RBBP5: variants seen among roughly 807,000 people sequenced by gnomAD.
RBBP5 encodes the protein RB binding protein 5, histone lysine methyltransferase complex subunit, also known as retinoblastoma-binding protein 5.
In RBBP5, 5 loss-of-function variants were observed where a neutral mutation model predicts 72.2. That is an observed-to-expected ratio of 0.07 (90% CI 0.04 to 0.15). The LOEUF is 0.15. Ranked by LOEUF, RBBP5 falls within the 10% of genes least tolerant of loss-of-function variation. The pLI is 1.00. For missense variants in RBBP5, 322 were observed against 652.2 expected, an observed-to-expected ratio of 0.49 and a Z score of 5.51; for synonymous variants, 209 against 237.2, an observed-to-expected ratio of 0.88 and a Z score of 1.09.
intron 1 of RBBP5, among the ~76,000 whole-genome samples, chr1:205,116,591 C>A (rs181311004): frequency 4.0e-4 from 61 of 152,166 alleles, no homozygotes; most frequent in Middle Eastern, 6.8e-3. Context: ...GGCCAAGTTG[C>A]GGCAGATCAC....
chr1:205,096,566 C>T (rs1655626695), intron 12 of RBBP5, 116 bp downstream of exon 12: 2 of 909,412 alleles, frequency 2.2e-6, no homozygotes, highest in African/African-American at 1.7e-5. Context: ...ATAAAACAGA[C>T]TCATGGGAAA....
At chr1:205,101,530 C>A (rs1655821668) in intron 6 of RBBP5, 70 bp downstream of exon 6, 1 of 1,135,430 alleles carries the variant, frequency 8.8e-7, no homozygotes, top group Non-Finnish European at 1.3e-6. Flanking sequence ...ATGAAAACTG[C>A]AAATCTCCAT....
At chr1:205,111,876 C>A (rs1051862727) in intron 3 of RBBP5, among the ~76,000 whole-genome samples, 2 of 152,090 alleles carry the variant, frequency 1.3e-5, no homozygotes, top group African/African-American at 4.8e-5. Flanking sequence ...CTTGTCATAT[C>A]GTATGTCCCA....
chr1:205,103,798 A>T, intron 5 of RBBP5, 59 bp downstream of exon 5: 2 of 1,561,406 alleles, frequency 1.3e-6, no homozygotes, highest in Non-Finnish European at 1.8e-6. Context: ...GAAACAAAAC[A>T]AGTAAACATT....
chr1:205,104,711 C>T (rs539995341), intron 4 of RBBP5, among the ~76,000 whole-genome samples: 387 of 151,778 alleles, frequency 2.5e-3, no homozygotes, highest in African/African-American at 8.5e-3. Context: ...CATGGTGGCA[C>T]GCACCTGCAG....
chr1:205,105,944 G>C (rs908977290), intron 3 of RBBP5, among the ~76,000 whole-genome samples: 1 of 152,212 alleles, frequency 6.6e-6, no homozygotes, highest in African/African-American at 2.4e-5. Flanking sequence ...GAAGCAGATA[G>C]CCTAGACTTC....
At chr1:205,093,477 AAAATATATATATATATATATATATAT>A (rs1655453357) in intron 13 of RBBP5, among the ~76,000 whole-genome samples, 1 of 6,898 alleles carries the variant, frequency 1.4e-4, no homozygotes, top group Non-Finnish European at 3.2e-4. Flanking sequence ...AAAAAAAAAA[AAAATATATATATATATATATATATAT>A]ATATATATAT....
Position 205,100,316 on chromosome 1 carries a change from T to C in RBBP5, c.633-45A>G, listed in dbSNP as rs777237071. On this transcript the variant is annotated intron_variant, in intron 6 of 13. Coordinates refer to ENST00000264515, the MANE Select transcript of RBBP5 (RefSeq NM_005057.4). Reference sequence around the variant, plus strand: ...ATCAACACCAGAGGTCAGAAATCTGTTCCTTAGTACTACAAAACGACTAAT... The same window carrying C: ...ATCAACACCAGAGGTCAGAAATCTGCTCCTTAGTACTACAAAACGACTAAT... The C allele has an allele frequency of 8.7e-6, 14 of 1,605,326 alleles. No homozygotes were observed. The South Asian group carries it at 9.9e-5, about 11-fold the overall frequency.
At chr1:205,119,706 A>G (rs145859662) in intron 1 of RBBP5, among the ~76,000 whole-genome samples, 1 of 152,338 alleles carries the variant, frequency 6.6e-6, no homozygotes, top group Non-Finnish European at 1.5e-5. Flanking sequence ...TGAAGACGCC[A>G]CACCAATCTG....
rs1553352080 is a variant in RBBP5, at chr1:205,093,458, C to CCAAAAA, written c.1588+1414_1588+1415insTTTTTG. On this transcript the variant is annotated intron_variant, in intron 13 of 13. Transcript: ENST00000264515. The stretch of plus-strand genomic sequence containing the variant: ...TGGGGACAAGAGTGAAACTCCGTTT[C>CCAAAAA]AAAAAAAAAAAAAAAAAAAAAATAT... Among the ~76,000 whole-genome samples the CCAAAAA allele has an allele frequency of 4.9e-3, 90 of 18,324 alleles. 11 individuals are homozygous for CCAAAAA. The East Asian group carries it at 0.078, about 16-fold the overall frequency. 12.0% of individuals were successfully genotyped at this position (18,324 alleles called of 152,430 possible).
rs1246494338 is a variant in RBBP5 at position 205,105,008 on chromosome 1, G to A, written c.359+20C>T. On this transcript the variant is annotated intron_variant, in intron 4 of 13. Transcript: ENST00000264515. The stretch of plus-strand genomic sequence containing the variant: ...TATAGAATTAGACCCCACCCCAGGA[G>A]AGAAATAGCTTAAACATACTGATCT... 1 of 1,611,726 alleles carries A rather than the reference G, an allele frequency of 6.2e-7. No homozygotes were observed. Among genetic ancestry groups the A allele is most frequent in the Non-Finnish European group, 8.5e-7 (1 of 1,178,098 alleles).
intron 13 of RBBP5, among the ~76,000 whole-genome samples, chr1:205,094,652 GATTT>G (rs1655542304): frequency 6.6e-6 from 1 of 152,192 alleles, no homozygotes; most frequent in South Asian, 2.1e-4. Context: ...GGGGAATGTA[GATTT>G]ATTGAAAACT....
intron 4 of RBBP5, among the ~76,000 whole-genome samples, chr1:205,104,544 A>T (rs1655975587): frequency 2.0e-5 from 3 of 151,120 alleles, no homozygotes; most frequent in Non-Finnish European, 2.9e-5. Context: ...AATTTAAATT[A>T]AAAAAAACGC....
In RBBP5 at chr1:205,099,832, AG is replaced by A. The variant is rs1387508878; in HGVS notation, c.907-21del. ...ATGCCACTAAATTTTAGTGAAGGAA[AG>A]AAAAACAGGTTGTTAAGAACAGATT... On this transcript the variant is annotated intron_variant, in intron 8 of 13. Transcript: ENST00000264515. The surrounding 1 kb of genome is among the most constrained non-coding windows in gnomAD (Gnocchi z 4.7). 1.2e-6 allele frequency: 2 copies of A among 1,613,844 alleles called. No individual in the cohort carries two copies. Among genetic ancestry groups the A allele is most frequent in the Admixed American group, 3.3e-5 (2 of 60,004 alleles).
At chr1:205,095,135 G>A (rs886618364) in intron 12 of RBBP5, 71 bp from the exon 13 acceptor site, 15 of 1,426,862 alleles carry the variant, frequency 1.1e-5, no homozygotes, top group Admixed American at 1.9e-5. Flanking sequence ...CAACTTTGTT[G>A]AGCAAAGAAT....
chr1:205,115,951 C>G, intron 1 of RBBP5, 68 bp from the exon 2 acceptor site: 1 of 1,613,656 alleles, frequency 6.2e-7, no homozygotes, highest in South Asian at 1.1e-5. Context: ...AACTCACGAA[C>G]AGTGTATAGC....
chr1:205,116,768 C>G (rs1440642408), intron 1 of RBBP5, among the ~76,000 whole-genome samples: 7 of 152,092 alleles, frequency 4.6e-5, no homozygotes, highest in Admixed American at 4.6e-4. Flanking sequence ...GAGCTGAGAT[C>G]GTGCCACTGC....
intron 6 of RBBP5, 57 bp downstream of exon 6, chr1:205,101,543 A>T: frequency 7.9e-7 from 1 of 1,258,058 alleles, no homozygotes; most frequent in Non-Finnish European, 1.1e-6. Flanking sequence ...ATCTCCATGT[A>T]TTTTTGCATT....
chr1:205,102,600 A>G (rs1442030358), intron 5 of RBBP5, among the ~76,000 whole-genome samples: 1 of 152,194 alleles, frequency 6.6e-6, no homozygotes, highest in Non-Finnish European at 1.5e-5. Context: ...ATCATTGCAC[A>G]ATAGAGTGAA....
Sources: allele counts gnomAD v4.1 joint callset (sites outside exome capture counted in the v4.1 genomes callset), GRCh38; gene constraint gnomAD v4.1.1; non-coding constraint Gnocchi (gnomAD v3.1); transcripts MANE v1.5; gene names NCBI Gene and HGNC (gene_info 2026-07-23, HGNC 2026-07-21).